Variants in HEATR6 observed in about 807,000 individuals in gnomAD.
The protein encoded by HEATR6 is HEAT repeat containing 6, also known as HEAT repeat-containing protein 6.
HEATR6 carries 106 observed loss-of-function variants against 132.8 expected under a neutral mutation model. That is an observed-to-expected ratio of 0.80 (90% CI 0.68 to 0.94). The LOEUF is 0.94. Among genes scored for constraint, HEATR6 ranks in the 40% least tolerant of loss-of-function variants. The pLI is 0.00. For synonymous variants in HEATR6, 529 were observed against 537.8 expected, an observed-to-expected ratio of 0.98 and a Z score of 0.23; for missense variants, 1,339 against 1,425.1, an observed-to-expected ratio of 0.94 and a Z score of 0.97.
chr17:60,074,619 C>T (rs764972810), intron 2 of HEATR6, among the ~76,000 whole-genome samples: 94 of 152,230 alleles, frequency 6.2e-4, no homozygotes, highest in Non-Finnish European at 1.2e-3. Context: ...TCCTTCCCTG[C>T]TGGCAGAGTA....
intron 2 of HEATR6, 98 bp from the exon 3 acceptor site, chr17:60,073,984 G>C: frequency 5.4e-6 from 8 of 1,471,648 alleles, no homozygotes; most frequent in Non-Finnish European, 6.3e-6. Flanking sequence ...GTATAAAAGA[G>C]AGAGTGTGTG....
In HEATR6 at chr17:60,056,130, C is replaced by T; in HGVS notation, c.2187G>A (p.Gln729=). The T allele has an allele frequency of 6.2e-7, 1 of 1,613,964 alleles. No individual in the cohort carries two copies. Among genetic ancestry groups the T allele is most frequent in the Non-Finnish European group, 8.5e-7 (1 of 1,179,944 alleles). Residue 729 remains glutamine, a synonymous_variant, in exon 13 of 20, where the codon CAG becomes CAA. Transcript: ENST00000184956. ...TGAAAATTACCTTTGCTCCATGAAG[C>T]TGAATGGATGGATCTGCTTCCCCCA... is the stretch of plus-strand genomic sequence containing the variant. The part of the protein sequence containing the change: ...KCMGEADPSI[Q]LHGAKLLEEL...
At position 60,073,254 on chromosome 17, in the gene HEATR6, G is replaced by T. The variant is rs1189343950; in HGVS notation, c.494C>A (p.Thr165Asn). ...QKYLPELLGN[T>N]GLLMKLSDLA... Reference sequence around the variant, plus strand: ...GTCACTCAACTTCATTAAGAGTCCGGTGTTGCCTAGCAGCTCTGGGAGGTA... The same window carrying T: ...GTCACTCAACTTCATTAAGAGTCCGTTGTTGCCTAGCAGCTCTGGGAGGTA... The change falls in exon 4 of 20, where the codon ACC becomes AAC. Residue 165 changes from threonine (T) to asparagine (N), a missense_variant. Transcript: ENST00000184956. 7.4e-6 allele frequency: 12 copies of T among 1,612,576 alleles called. No individual in the cohort carries two copies. The highest frequency in any genetic ancestry group is 6.8e-6 in the Non-Finnish European group (8 of 1,178,780).
chr17:60,055,941 C>T (rs559131890), intron 13 of HEATR6, among the ~76,000 whole-genome samples, 174 bp downstream of exon 13: 3 of 152,090 alleles, frequency 2.0e-5, no homozygotes, highest in South Asian at 4.2e-4. Flanking sequence ...ATGTAAGAGC[C>T]GAAAACAGAA....
At chr17:60,068,023 C>G (rs2083251721) in intron 7 of HEATR6, among the ~76,000 whole-genome samples, 1 of 152,190 alleles carries the variant, frequency 6.6e-6, no homozygotes, top group African/African-American at 2.4e-5. Flanking sequence ...AATCATTTAG[C>G]CTCTCTTGAG....
intron 7 of HEATR6, 44 bp downstream of exon 7, chr17:60,069,667 T>A (rs1333343864): frequency 6.3e-7 from 1 of 1,580,708 alleles, no homozygotes; most frequent in Admixed American, 1.7e-5. Context: ...CAACAATCTA[T>A]TAAAAATAAG....
intron 11 of HEATR6, among the ~76,000 whole-genome samples, chr17:60,058,239 C>T (rs1435269221): frequency 2.6e-5 from 4 of 152,188 alleles, no homozygotes; most frequent in African/African-American, 9.7e-5. Context: ...GCCTTCCTAT[C>T]CAGGAATATG....
Position 60,060,114 on chromosome 17 carries a change from T to C in HEATR6, c.1417-18A>G. 6.4e-7 allele frequency: 1 copy of C among 1,574,594 alleles called. No individual in the cohort carries two copies. Among genetic ancestry groups the C allele is most frequent in the Non-Finnish European group, 8.7e-7 (1 of 1,144,692 alleles). On this transcript the variant is annotated intron_variant, in intron 9 of 19. Coordinates refer to ENST00000184956, the MANE Select transcript of HEATR6 (RefSeq NM_022070.5). ...GCACGTGTCTGAAATTTCGGGATGA[T>C]TCACATTGATTAGTTGAAAATTAGG... is the stretch of plus-strand genomic sequence containing the variant.
intron 7 of HEATR6, among the ~76,000 whole-genome samples, chr17:60,069,378 C>T (rs1022782547): frequency 6.6e-6 from 1 of 152,166 alleles, no homozygotes; most frequent in African/African-American, 2.4e-5. Context: ...ATGACAGAGA[C>T]CTGAAGTATT....
chr17:60,045,242 C>T (rs1271500284), intron 19 of HEATR6, among the ~76,000 whole-genome samples: 3 of 152,344 alleles, frequency 2.0e-5, no homozygotes, highest in African/African-American at 7.2e-5. Flanking sequence ...CTTACATACT[C>T]CCAGCTGACT....
intron 2 of HEATR6, among the ~76,000 whole-genome samples, chr17:60,075,355 T>C (rs1324320227): frequency 6.6e-6 from 1 of 152,206 alleles, no homozygotes; most frequent in Admixed American, 6.5e-5. Context: ...TGATTCCTTT[T>C]TATTTTTTTA....
chr17:60,055,420 A>C, intron 14 of HEATR6, 95 bp downstream of exon 14: 9 of 733,292 alleles, frequency 1.2e-5, no homozygotes, highest in Non-Finnish European at 1.8e-5. Context: ...ACACTGGAAG[A>C]AACCATATCA....
At position 60,057,210 on chromosome 17, in the gene HEATR6, C is replaced by A. The variant is rs752529908; in HGVS notation, c.1917G>T (p.Thr639=). The A allele has an allele frequency of 6.2e-7, 1 of 1,614,146 alleles. No homozygotes were observed. Residue 639 remains threonine, a synonymous_variant, in exon 12 of 20, where the codon ACG becomes ACT. Coordinates refer to ENST00000184956, the MANE Select transcript of HEATR6 (RefSeq NM_022070.5). ...KAPAGPSLEE[T]SVSSPKGSSE... ...AAGACCCCTTAGGTGAGCTAACTGA[C>A]GTTTCTTCCAGAGAGGGTCCTGCAG...
chr17:60,050,750 G>A lies in HEATR6; in HGVS notation c.2424+93C>T, dbSNP rs952729555. 9.0e-5 allele frequency: 131 copies of A among 1,459,684 alleles called. No homozygotes were observed. In the African/African-American group the frequency reaches 1.7e-3, roughly 19 times the overall value. 90.4% of individuals were successfully genotyped at this position (1,459,684 alleles called of 1,614,324 possible). A position where few individuals can be genotyped will look rare whatever the true frequency, so the allele number is the denominator to read the frequency against. ...GAACTAGCGCCTTTTCATCAGAGAT[G>A]ATGCTGAATACTGGTTCAAAATGCA... On this transcript the variant is annotated intron_variant, in intron 15 of 19. Transcript: ENST00000184956.
intron 7 of HEATR6, 41 bp from the exon 8 acceptor site, chr17:60,067,773 T>G: frequency 6.7e-7 from 1 of 1,492,352 alleles, no homozygotes; most frequent in Non-Finnish European, 9.1e-7. Context: ...AATAACTACT[T>G]CAGAATGGCT....
chr17:60,065,402 G>A (rs1390997463), intron 9 of HEATR6, among the ~76,000 whole-genome samples: 2 of 152,202 alleles, frequency 1.3e-5, no homozygotes, highest in South Asian at 2.1e-4. Flanking sequence ...AAACAGAAAA[G>A]GAACAATATG....
chr17:60,074,941 G>C (rs552439455), intron 2 of HEATR6, among the ~76,000 whole-genome samples: 5 of 152,162 alleles, frequency 3.3e-5, no homozygotes, highest in Non-Finnish European at 7.3e-5. Flanking sequence ...AGCATCAAGG[G>C]AGCTTAAGTC....
rs764607681 is a variant in HEATR6 at position 60,059,942 on chromosome 17, A to C, written c.1571T>G (p.Leu524Trp). 2.5e-5 allele frequency: 40 copies of C among 1,613,750 alleles called. No homozygotes were observed. Among genetic ancestry groups the C allele is most frequent in the Non-Finnish European group, 3.3e-5 (39 of 1,179,846 alleles). Reference sequence around the variant, plus strand: ...GGATGACTCCGCCACCAAAGCTAACAAAAGACATCTGTGCAACTCTCTAAT... The same window carrying C: ...GGATGACTCCGCCACCAAAGCTAACCAAAGACATCTGTGCAACTCTCTAAT... ...CSIRELHRCL[L>W]LALVAESSSQ... The change falls in exon 10 of 20, where the codon TTG (leucine) becomes TGG (tryptophan). Residue 524 changes from leucine to tryptophan, a missense_variant. Leu to Trp is a moderately conservative substitution (Grantham distance 61). Coordinates refer to ENST00000184956, the MANE Select transcript of HEATR6 (RefSeq NM_022070.5).
Position 60,048,983 on chromosome 17 carries a change from AATATATATATATAT to A in HEATR6, c.2547+583_2547+596del, listed in dbSNP as rs35114523. On this transcript the variant is annotated intron_variant, in intron 16 of 19. Transcript: ENST00000184956. ...TTAAAAATAAATAACATATATATAT[AATATATATATATAT>A]ATATATATATATATATATATATGGT... is the stretch of plus-strand genomic sequence containing the variant. 3.3e-4 allele frequency among the ~76,000 whole-genome samples: 23 copies of A among 69,548 alleles called. No individual in the cohort carries two copies. In the South Asian group the frequency reaches 6.2e-3, roughly 19 times the overall value. 45.6% of individuals were successfully genotyped at this position (69,548 alleles called of 152,430 possible).
Sources: gnomAD v4.1 joint callset for allele counts (sites outside exome capture counted in the v4.1 genomes callset) on GRCh38, gnomAD v4.1.1 for gene constraint, MANE v1.5 for transcripts, NCBI Gene and HGNC (gene_info 2026-07-23, HGNC 2026-07-21) for gene names.